DKK4: variants seen among roughly 807,000 people sequenced by gnomAD.
DKK4 encodes the protein dickkopf Wnt signaling pathway inhibitor 4, also known as dickkopf-related protein 4.
In DKK4, 15 loss-of-function variants were observed where a neutral mutation model predicts 14.5. That is an observed-to-expected ratio of 1.03 (90% CI 0.69 to 1.59). The LOEUF (loss-of-function observed/expected upper bound fraction) is 1.59. Ranked by LOEUF, DKK4 falls within the 40% of genes most tolerant of loss-of-function variation. The probability of loss-of-function intolerance (pLI) is 0.00; values close to 1 mark genes in which losing one functional copy is unlikely to be tolerated. For synonymous variants in DKK4, 89 were observed against 105.2 expected, an observed-to-expected ratio of 0.85 and a Z score of 0.94; for missense variants, 272 against 280.3, an observed-to-expected ratio of 0.97 and a Z score of 0.21.
intron 2 of DKK4, 91 bp from the exon 3 acceptor site, chr8:42,375,004 G>GAGGTGCTGC: frequency 7.5e-7 from 1 of 1,332,846 alleles, no homozygotes; most frequent in Non-Finnish European, 1.1e-6. Flanking sequence ...TAGTTTGGCA[G>GAGGTGCTGC]CACCTCTGCC....
At chr8:42,375,360 G>A (rs1824536647) in intron 2 of DKK4, among the ~76,000 whole-genome samples, 1 of 152,048 alleles carries the variant, frequency 6.6e-6, no homozygotes, top group African/African-American at 2.4e-5. Context: ...GACCAACATG[G>A]TGAAACCCTA....
At chr8:42,384,951 CT>C in the DKK4 span, among the ~76,000 whole-genome samples, 1 of 152,212 alleles carries the variant, frequency 6.6e-6, no homozygotes, top group East Asian at 1.9e-4. Flanking sequence ...CAAACTGTCT[CT>C]GATTAAATGG....
In DKK4 at chr8:42,374,849, G is replaced by C; in HGVS notation, c.327C>G (p.Gly109=). Residue 109 remains glycine (G), a synonymous_variant, in exon 3 of 4, where the codon GGC becomes GGG. Coordinates refer to ENST00000220812, the MANE Select transcript of DKK4 (RefSeq NM_014420.3). ...ILERQLDEQD[G]THAEGTTGHP... is the part of the protein sequence containing the mutation. Reference sequence around the variant, plus strand: ...GCCCAGTTGTTCCTTCTGCATGTGTGCCATCTTGCTCATCAAGCTGCCTTT... The same window carrying C: ...GCCCAGTTGTTCCTTCTGCATGTGTCCCATCTTGCTCATCAAGCTGCCTTT... The C allele has an allele frequency of 6.2e-7, 1 of 1,614,132 alleles. No homozygotes were observed. The highest frequency in any genetic ancestry group is 1.1e-5 in the South Asian group (1 of 91,070).
upstream of DKK4, among the ~76,000 whole-genome samples, chr8:42,380,746 AAG>A (rs149482173): frequency 0.013 from 1,891 of 142,890 alleles, 21 homozygotes; most frequent in South Asian, 0.051. Flanking sequence ...AGAGAGTGGA[AAG>A]AGAGAGAGAG....
At chr8:42,381,723 C>A (rs991676508), upstream of DKK4, among the ~76,000 whole-genome samples, 2 of 152,186 alleles carry the variant, frequency 1.3e-5, no homozygotes, top group African/African-American at 4.8e-5. Flanking sequence ...TCGAGCCAGG[C>A]GCGGTGGCTC....
Position 42,374,322 on chromosome 8 carries a change from A to C in DKK4, c.453T>G (p.Cys151Trp), listed in dbSNP as rs757069150. Reference sequence around the variant, plus strand: ...GACGAGCACAGCAAAGTCCAGGGCCACAGTCAAAAGTTCTCAGACAACTTT... The same window carrying C: ...GACGAGCACAGCAAAGTCCAGGGCCCCAGTCAAAAGTTCTCAGACAACTTT... ...EGESCLRTFD[C>W]GPGLCCARHF... Residue 151 changes from cysteine to tryptophan, a missense_variant, in exon 4 of 4, where the codon TGT becomes TGG. By Grantham distance (215) the Cys-to-Trp change is radical. Coordinates refer to ENST00000220812, the MANE Select transcript of DKK4 (RefSeq NM_014420.3). The C allele has an allele frequency of 6.2e-7, 1 of 1,613,830 alleles. No homozygotes were observed. Among genetic ancestry groups the C allele is most frequent in the African/African-American group, 1.3e-5 (1 of 75,028 alleles).
At chr8:42,389,238 C>T in the DKK4 span, among the ~76,000 whole-genome samples, 5 of 152,210 alleles carry the variant, frequency 3.3e-5, no homozygotes, top group Admixed American at 2.0e-4. Flanking sequence ...CCATGGCACC[C>T]GGCCTGGATA....
chr8:42,388,977 C>T, the DKK4 span, among the ~76,000 whole-genome samples: 10 of 152,252 alleles, frequency 6.6e-5, no homozygotes, highest in Non-Finnish European at 1.0e-4. Flanking sequence ...GTGTCTCCCT[C>T]TGTCGTCCAG....
upstream of DKK4, among the ~76,000 whole-genome samples, chr8:42,379,180 G>A (rs1824617715): frequency 6.7e-6 from 1 of 148,778 alleles, no homozygotes; most frequent in Admixed American, 6.7e-5. Flanking sequence ...GAACCTAGGA[G>A]ACCGAGGTTG....
upstream of DKK4, among the ~76,000 whole-genome samples, chr8:42,380,777 T>A (rs1198414900): frequency 3.1e-4 from 29 of 94,376 alleles, no homozygotes; most frequent in African/African-American, 3.8e-4. Flanking sequence ...AGAGGAAGAA[T>A]GTGAGAGAAA....
At chr8:42,375,902 C>A (rs1824552832) in intron 1 of DKK4, 72 bp from the exon 2 acceptor site, 5 of 1,558,674 alleles carry the variant, frequency 3.2e-6, no homozygotes, top group Non-Finnish European at 3.5e-6. Flanking sequence ...TTATTGAAGG[C>A]AGGAGGCGGA....
intron 3 of DKK4, 149 bp from the exon 4 acceptor site, chr8:42,374,508 C>A: frequency 8.5e-7 from 1 of 1,174,990 alleles, no homozygotes; most frequent in Non-Finnish European, 1.2e-6. Context: ...CTAGGTGTTA[C>A]GCTAAAAGCA....
At position 42,375,706 on chromosome 8, in the gene DKK4, C is replaced by A. The variant is rs1387645508; in HGVS notation, c.236G>T (p.Cys79Phe). ...LRRRCQRDAM[C>F]CPGTLCVNDV... ...GTTCACACAGAGTGTCCCAGGGCAG[C>A]ACATGGCATCTCGCTGGCACCTCCT... is the stretch of plus-strand genomic sequence containing the variant. The change falls in exon 2 of 4, where the codon TGC (cysteine) becomes TTC (phenylalanine). Residue 79 changes from cysteine (C) to phenylalanine (F), a missense_variant. Cys to Phe is a radical substitution (Grantham distance 205). Transcript: ENST00000220812. The A allele has an allele frequency of 6.2e-7, 1 of 1,613,682 alleles. No homozygotes were observed. Among genetic ancestry groups the A allele is most frequent in the East Asian group, 2.2e-5 (1 of 44,882 alleles).
upstream of DKK4, among the ~76,000 whole-genome samples, chr8:42,382,091 T>C (rs943943355): frequency 7.9e-5 from 12 of 152,356 alleles, no homozygotes; most frequent in African/African-American, 2.9e-4. Flanking sequence ...TAGACTTTAG[T>C]GCCTTAGCAG....
chr8:42,385,598 C>T, the DKK4 span, among the ~76,000 whole-genome samples: 1 of 152,072 alleles, frequency 6.6e-6, no homozygotes, highest in Non-Finnish European at 1.5e-5. Flanking sequence ...ACAGGTCTGG[C>T]TTCTCTTTTA....
the DKK4 span, among the ~76,000 whole-genome samples, chr8:42,382,832 G>A: frequency 9.2e-5 from 14 of 152,202 alleles, no homozygotes; most frequent in Admixed American, 5.9e-4. Flanking sequence ...AATTTCCAGA[G>A]GTCCCAGTTT....
the DKK4 span, among the ~76,000 whole-genome samples, chr8:42,390,344 A>G: frequency 0.019 from 2,681 of 143,486 alleles, 40 homozygotes; most frequent in Middle Eastern, 0.031. Context: ...TTTTAGTGCC[A>G]TATCTTTTGC....
At chr8:42,387,047 ACTCAGAT>A in the DKK4 span, among the ~76,000 whole-genome samples, 1 of 152,140 alleles carries the variant, frequency 6.6e-6, no homozygotes, top group Admixed American at 6.5e-5. Flanking sequence ...GGGCCTCTGC[ACTCAGAT>A]GCTCTGGGTG....
intron 3 of DKK4, 119 bp downstream of exon 3, chr8:42,374,642 C>T (rs2073663): frequency 0.11 from 158,741 of 1,413,100 alleles, 19,898 homozygotes; most frequent in African/African-American, 0.61. Context: ...ACAAACAGCA[C>T]ATGCTTCCTA....
Sources: allele counts gnomAD v4.1 joint callset (sites outside exome capture counted in the v4.1 genomes callset), GRCh38; gene constraint gnomAD v4.1.1; transcripts MANE v1.5; gene names NCBI Gene and HGNC (gene_info 2026-07-23, HGNC 2026-07-21).